The following ZFR2 variants were observed in gnomAD, a reference collection of about 807,000 sequenced individuals.
ZFR2 encodes zinc finger RNA binding protein 2, also known as zinc finger RNA-binding protein 2.
ZFR2 carries 104 observed loss-of-function variants against 105.7 expected under a neutral mutation model. The ratio of observed to expected loss-of-function variants is 0.98; its 90% CI spans 0.84 to 1.16. The LOEUF is 1.16. Among genes scored for constraint, ZFR2 ranks in the 50% most tolerant of loss-of-function variants. ZFR2 has a pLI of 0.00. For synonymous variants in ZFR2, 634 were observed against 597.7 expected (o/e 1.06, Z -0.89); for missense variants, 1,425 against 1,355.5 (o/e 1.05, Z -0.80).
chr19:3,843,407 G>C (rs2038153694), intron 1 of ZFR2, among the ~76,000 whole-genome samples: 1 of 152,094 alleles, frequency 6.6e-6, no homozygotes, highest in Non-Finnish European at 1.5e-5. Context: ...GGAGGTGGAG[G>C]TTGCAGTGAG....
chr19:3,845,618 C>A (rs963689909), intron 1 of ZFR2, among the ~76,000 whole-genome samples: 2 of 135,182 alleles, frequency 1.5e-5, no homozygotes, highest in African/African-American at 6.0e-5. Context: ...ATGACAAAAC[C>A]CCATCTTTAC....
chr19:3,826,875 C>A (rs1353834479), intron 6 of ZFR2, among the ~76,000 whole-genome samples: 1 of 152,228 alleles, frequency 6.6e-6, no homozygotes, highest in Non-Finnish European at 1.5e-5. Context: ...GAATGCCAAG[C>A]TTTCTTGGAA....
At chr19:3,860,640 C>T (rs2038362778) in intron 1 of ZFR2, among the ~76,000 whole-genome samples, 1 of 152,212 alleles carries the variant, frequency 6.6e-6, no homozygotes, top group Non-Finnish European at 1.5e-5. Flanking sequence ...TTGAGAACAC[C>T]AACTTGACGA....
intron 1 of ZFR2, among the ~76,000 whole-genome samples, chr19:3,866,166 CAA>C (rs1017292135): frequency 2.6e-5 from 4 of 152,074 alleles, no homozygotes; most frequent in African/African-American, 9.7e-5. Flanking sequence ...TAAAAGCAGC[CAA>C]AGTTTCCAAA....
chr19:3,824,049 T>C (rs1334984741), intron 7 of ZFR2, among the ~76,000 whole-genome samples: 1 of 152,076 alleles, frequency 6.6e-6, no homozygotes, highest in Non-Finnish European at 1.5e-5. Flanking sequence ...GTAAACCCAG[T>C]GCTGCGGGAG....
chr19:3,820,974 A>C, intron 10 of ZFR2, among the ~76,000 whole-genome samples: 2 of 74,672 alleles, frequency 2.7e-5, no homozygotes, highest in African/African-American at 5.9e-5. Context: ...CAGGGACACT[A>C]GAGGTCGGGG....
chr19:3,809,020 C>T (rs774747824), intron 16 of ZFR2, 37 bp from the exon 17 acceptor site: 41 of 1,485,290 alleles, frequency 2.8e-5, no homozygotes, highest in African/African-American at 2.0e-4. Context: ...GTGTTTTGGG[C>T]GCGCGGCAGC....
At chr19:3,828,570 C>T (rs1448920059) in intron 5 of ZFR2, among the ~76,000 whole-genome samples, 2 of 152,212 alleles carry the variant, frequency 1.3e-5, no homozygotes, top group Non-Finnish European at 2.9e-5. Flanking sequence ...GACACAGGGG[C>T]TCCACCCGGG....
intron 1 of ZFR2, among the ~76,000 whole-genome samples, chr19:3,854,411 C>G (rs1161387470): frequency 6.6e-6 from 1 of 151,898 alleles, no homozygotes. Context: ...CTTGTTCTTT[C>G]TAGGCTTTTC....
At position 3,827,557 on chromosome 19, in the gene ZFR2, C is replaced by T. The variant is rs963712508; in HGVS notation, c.949G>A (p.Ala317Thr). The T allele has an allele frequency of 6.4e-7, 1 of 1,564,536 alleles. No individual in the cohort carries two copies. Among genetic ancestry groups the T allele is most frequent in the South Asian group, 1.2e-5 (1 of 85,008 alleles). The change falls in exon 6 of 19, where the codon GCG becomes ACG. Residue 317 changes from alanine to threonine, a missense_variant. Ala to Thr is a moderately conservative substitution (Grantham distance 58). Coordinates refer to ENST00000262961, the MANE Select transcript of ZFR2 (RefSeq NM_015174.2). ...QPNGSPRGVQAQLHCDLCAVS... is the reference protein window; with the variant it reads ...QPNGSPRGVQTQLHCDLCAVS... The stretch of plus-strand genomic sequence containing the variant: ...GCGCACAGGTCGCAATGCAGCTGCG[C>T]CTGCACCCCGCGCGGGCTCCCGTTG...
chr19:3,837,905 CCAT>C (rs1183065485), intron 1 of ZFR2, among the ~76,000 whole-genome samples: 2 of 152,172 alleles, frequency 1.3e-5, no homozygotes, highest in African/African-American at 4.8e-5. Context: ...CTGGTGAACA[CCAT>C]GACTGTGACA....
Position 3,822,007 on chromosome 19 carries a change from C to T in ZFR2, c.1491+74G>A, listed in dbSNP as rs541067078. 1.6e-4 allele frequency: 235 copies of T among 1,513,894 alleles called. 1 individual carries two copies. In the East Asian group the frequency reaches 5.8e-3, roughly 37 times the overall value. The allele number at this position is 1,513,894 out of a possible 1,614,324, so 93.8% of individuals were successfully genotyped here. ...GATCACACGCGCGGAAGAGGCCCGA[C>T]CACAGGCCTCCCAGCGCCCGCCGGG... is the stretch of plus-strand genomic sequence containing the variant. On this transcript the variant is annotated intron_variant, in intron 9 of 18. Transcript: ENST00000262961.
At chr19:3,819,689 A>G (rs1034203453) in intron 11 of ZFR2, among the ~76,000 whole-genome samples, 4 of 152,066 alleles carry the variant, frequency 2.6e-5, no homozygotes, top group Admixed American at 6.5e-5. Context: ...CCCTGCCTCT[A>G]CTAAAAACAC....
intron 1 of ZFR2, among the ~76,000 whole-genome samples, chr19:3,841,172 G>C (rs576109672): frequency 6.6e-6 from 1 of 152,208 alleles, no homozygotes; most frequent in Non-Finnish European, 1.5e-5. Context: ...TACAGAGAGA[G>C]CTCCAACGTG....
At chr19:3,821,316 T>C (rs1224483101) in intron 10 of ZFR2, 24 bp downstream of exon 10, 2 of 1,553,708 alleles carry the variant, frequency 1.3e-6, no homozygotes, top group South Asian at 1.2e-5. Flanking sequence ...CCAGGCCCCC[T>C]TGCCAAGACC....
intron 1 of ZFR2, among the ~76,000 whole-genome samples, chr19:3,861,978 C>T (rs2038379278): frequency 6.6e-6 from 1 of 152,092 alleles, no homozygotes; most frequent in African/African-American, 2.4e-5. Context: ...TTACAAGTCC[C>T]TTTCTACGTG....
rs368365199 is a variant in ZFR2 at position 3,806,064 on chromosome 19, G to A, written c.2705C>T (p.Pro902Leu). ...THKVLGMDLLPPRHRLGARFR... is the reference protein window; with the variant it reads ...THKVLGMDLLLPRHRLGARFR... ...GCGGGCCCCCAGCCGGTGTCTGGGCGGCAGGAGATCCATGCCCAGGACCTT... is the reference window on the plus strand; with the variant it reads ...GCGGGCCCCCAGCCGGTGTCTGGGCAGCAGGAGATCCATGCCCAGGACCTT... Residue 902 changes from proline to leucine, a missense_variant, in exon 19 of 19, where the codon CCG (proline) becomes CTG (leucine). By Grantham distance (98) the Pro-to-Leu change is moderately conservative. Coordinates refer to ENST00000262961, the MANE Select transcript of ZFR2 (RefSeq NM_015174.2). The A allele has an allele frequency of 3.4e-5, 52 of 1,532,362 alleles. No homozygotes were observed. The highest frequency in any genetic ancestry group is 3.1e-4 in the African/African-American group (22 of 72,100). The allele number at this position is 1,532,362 out of a possible 1,614,324, so 94.9% of individuals were successfully genotyped here. A position where few individuals can be genotyped will look rare whatever the true frequency, so the allele number is the denominator to read the frequency against.
At chr19:3,837,395 C>G (rs1467027668) in intron 1 of ZFR2, among the ~76,000 whole-genome samples, 1 of 152,012 alleles carries the variant, frequency 6.6e-6, no homozygotes, top group Non-Finnish European at 1.5e-5. Flanking sequence ...GACTGTGACA[C>G]TCGATGAACA....
intron 1 of ZFR2, among the ~76,000 whole-genome samples, chr19:3,846,945 G>A (rs56122329): frequency 0.16 from 24,977 of 152,228 alleles, 2,919 homozygotes; most frequent in African/African-American, 0.34. Flanking sequence ...GACGGGCTTC[G>A]GGCTTCTGGC....
Sources: allele counts gnomAD v4.1 joint callset (sites outside exome capture counted in the v4.1 genomes callset), GRCh38; gene constraint gnomAD v4.1.1; transcripts MANE v1.5; gene names NCBI Gene and HGNC (gene_info 2026-07-23, HGNC 2026-07-21).